The following ARL15 variants were observed in gnomAD, a reference collection of about 807,000 sequenced individuals.
The protein encoded by ARL15 is ADP-ribosylation factor-like protein 15.
Under a neutral mutation model 25.2 loss-of-function variants are expected in ARL15, and 19 were observed. The ratio of observed to expected loss-of-function variants is 0.75; its 90% CI spans 0.53 to 1.10. The LOEUF is 1.10. Among genes scored for constraint, ARL15 ranks in the 50% least tolerant of loss-of-function variants. The pLI is 0.00. For missense variants in ARL15, 220 were observed against 246.0 expected (o/e 0.89, Z 0.71); for synonymous variants, 94 against 86.8 (o/e 1.08, Z -0.46).
At chr5:53,911,764 T>C (rs1240851730) in intron 4 of ARL15, among the ~76,000 whole-genome samples, 1 of 152,134 alleles carries the variant, frequency 6.6e-6, no homozygotes, top group Non-Finnish European at 1.5e-5. Flanking sequence ...GGCTCCCACA[T>C]ATGAGTGAGA....
intron 1 of ARL15, among the ~76,000 whole-genome samples, chr5:54,193,819 A>G (rs1755473735): frequency 6.6e-6 from 1 of 151,486 alleles, no homozygotes; most frequent in Non-Finnish European, 1.5e-5. Flanking sequence ...TGATTTCCTG[A>G]AATAGCTCAC....
intron 1 of ARL15, among the ~76,000 whole-genome samples, chr5:54,197,872 T>C (rs1236061075): frequency 1.3e-5 from 2 of 152,204 alleles, no homozygotes; most frequent in South Asian, 2.1e-4. Context: ...ATATCCTTGA[T>C]GAACATTGAT....
At chr5:53,930,130 T>C (rs199570481) in intron 4 of ARL15, among the ~76,000 whole-genome samples, 2 of 152,198 alleles carry the variant, frequency 1.3e-5, no homozygotes, top group Admixed American at 1.3e-4. Context: ...TAATAAAAAA[T>C]AAAATATTTT....
intron 1 of ARL15, among the ~76,000 whole-genome samples, chr5:54,271,904 A>ACATTTATT (rs1355450661): frequency 2.8e-5 from 4 of 142,470 alleles, no homozygotes; most frequent in East Asian, 2.3e-4. Context: ...GCTGTGCTTA[A>ACATTTATT]CATTTATTTA....
chr5:54,059,754 G>C (rs969682922), intron 4 of ARL15, among the ~76,000 whole-genome samples: 9 of 151,958 alleles, frequency 5.9e-5, no homozygotes, highest in Non-Finnish European at 1.3e-4. Flanking sequence ...CTTTTTAAAG[G>C]GTCCATTTTA....
chr5:54,018,400 A>C (rs1320274627), intron 4 of ARL15, among the ~76,000 whole-genome samples: 1 of 152,188 alleles, frequency 6.6e-6, no homozygotes. Flanking sequence ...ACCATAAGTA[A>C]ATTCTTATAA....
chr5:54,084,437 A>AAG (rs1303512265), intron 4 of ARL15, among the ~76,000 whole-genome samples: 14 of 151,672 alleles, frequency 9.2e-5, no homozygotes, highest in Admixed American at 6.6e-4. Flanking sequence ...AAAAAAAAAA[A>AAG]AGAGAGACTG....
At chr5:54,209,448 A>G (rs904761421) in intron 1 of ARL15, among the ~76,000 whole-genome samples, 1 of 152,086 alleles carries the variant, frequency 6.6e-6, no homozygotes, top group African/African-American at 2.4e-5. Flanking sequence ...TTCACCATTG[A>G]CCACTGGTTT....
At chr5:54,023,478 A>T (rs146736698) in intron 4 of ARL15, among the ~76,000 whole-genome samples, 1 of 152,216 alleles carries the variant, frequency 6.6e-6, no homozygotes, top group Non-Finnish European at 1.5e-5. Flanking sequence ...GATTGACTCT[A>T]AAGGGGTACG....
chr5:54,144,807 G>T (rs1031403600), intron 3 of ARL15, among the ~76,000 whole-genome samples: 6 of 151,916 alleles, frequency 3.9e-5, no homozygotes, highest in Admixed American at 1.3e-4. Context: ...TACCTCTCTG[G>T]GTCTAGCACC....
intron 4 of ARL15, among the ~76,000 whole-genome samples, chr5:54,035,637 C>T (rs1750143869): frequency 6.6e-6 from 1 of 152,110 alleles, no homozygotes; most frequent in Admixed American, 6.6e-5. Context: ...ACTAAATTAG[C>T]AAATCTTTAA....
intron 4 of ARL15, among the ~76,000 whole-genome samples, chr5:53,968,246 G>A (rs1017844484): frequency 5.9e-5 from 9 of 152,052 alleles, no homozygotes; most frequent in Non-Finnish European, 8.8e-5. Flanking sequence ...TCAGATGATC[G>A]ATCACTTTCA....
At chr5:54,079,127 A>G (rs772079979) in intron 4 of ARL15, among the ~76,000 whole-genome samples, 6 of 152,314 alleles carry the variant, frequency 3.9e-5, no homozygotes, top group South Asian at 2.1e-4. Context: ...TGATCAGAAT[A>G]AAGTCAGATG....
intron 1 of ARL15, among the ~76,000 whole-genome samples, chr5:54,228,613 T>G (rs1756588455): frequency 6.6e-6 from 1 of 152,074 alleles, no homozygotes; most frequent in East Asian, 1.9e-4. Flanking sequence ...TAAAAATTTA[T>G]AGCTATCTGA....
chr5:54,240,664 C>T (rs1030214614), intron 1 of ARL15, among the ~76,000 whole-genome samples: 4 of 152,166 alleles, frequency 2.6e-5, no homozygotes, highest in African/African-American at 9.7e-5. Flanking sequence ...ACTGGGTGAA[C>T]ATGTGAAAGA....
At chr5:54,269,669 G>A (rs749704748) in intron 1 of ARL15, among the ~76,000 whole-genome samples, 4 of 151,750 alleles carry the variant, frequency 2.6e-5, no homozygotes, top group East Asian at 1.9e-4. Context: ...TTTTTGAGAC[G>A]GTGTCTCGCA....
intron 4 of ARL15, among the ~76,000 whole-genome samples, chr5:53,983,221 G>T (rs1156351901): frequency 1.3e-5 from 2 of 152,092 alleles, no homozygotes; most frequent in Non-Finnish European, 2.9e-5. Context: ...CCAATTTCTA[G>T]ATTTTTACTG....
intron 1 of ARL15, chr5:54,285,331 G>C (rs6894350): frequency 8.0e-6 from 7 of 880,286 alleles, no homozygotes; most frequent in Non-Finnish European, 8.2e-6. Context: ...AAATTAATGT[G>C]ATTACTTACA....
At chr5:54,032,713 T>G (rs1750031173) in intron 4 of ARL15, among the ~76,000 whole-genome samples, 1 of 152,072 alleles carries the variant, frequency 6.6e-6, no homozygotes, top group Admixed American at 6.5e-5. Context: ...AAACTAAAAC[T>G]TAAGGATAGG....
Sources: gnomAD v4.1 joint callset for allele counts (sites outside exome capture counted in the v4.1 genomes callset) on GRCh38, gnomAD v4.1.1 for gene constraint, MANE v1.5 for transcripts, NCBI Gene and HGNC (gene_info 2026-07-23, HGNC 2026-07-21) for gene names.